CSMD1: variants seen among roughly 807,000 people sequenced by gnomAD.
CSMD1 encodes the protein CUB and Sushi multiple domains 1, also known as CUB and sushi domain-containing protein 1.
Under a neutral mutation model 417.5 loss-of-function variants are expected in CSMD1, and 213 were observed. The observed-to-expected ratio is 0.51, with a 90% confidence interval of 0.46 to 0.57. The LOEUF is 0.57. CSMD1 is among the 20% of genes least tolerant of loss of function. The pLI is 0.00. For synonymous variants in CSMD1, 2,862 were observed against 1,736.8 expected (o/e 1.65, Z -16.11); for missense variants, 6,923 against 4,529.7 (o/e 1.53, Z -15.17).
intron 2 of CSMD1, among the ~76,000 whole-genome samples, chr8:4,460,147 A>C (rs1156434376): frequency 6.6e-6 from 1 of 152,246 alleles, no homozygotes; most frequent in Non-Finnish European, 1.5e-5. Context: ...AAAATGAGTG[A>C]AATTATATAA....
intron 22 of CSMD1, among the ~76,000 whole-genome samples, chr8:3,345,410 G>A (rs12548148): frequency 1.3e-5 from 2 of 152,068 alleles, no homozygotes; most frequent in African/African-American, 4.8e-5. Flanking sequence ...CAGAGAAAGT[G>A]TATGTCGTTG....
chr8:3,766,998 G>C (rs1056690961), intron 5 of CSMD1, among the ~76,000 whole-genome samples: 2 of 152,212 alleles, frequency 1.3e-5, no homozygotes, highest in Non-Finnish European at 2.9e-5. Context: ...AAGACCAGCA[G>C]CCCTCAACAT....
At chr8:4,234,234 C>G (rs1801913119) in intron 3 of CSMD1, among the ~76,000 whole-genome samples, 1 of 152,162 alleles carries the variant, frequency 6.6e-6, no homozygotes, top group Non-Finnish European at 1.5e-5. Flanking sequence ...AGGCTGCCAC[C>G]AGACTAAAGC....
chr8:2,987,559 G>A (rs968938684), intron 54 of CSMD1, among the ~76,000 whole-genome samples: 2 of 152,072 alleles, frequency 1.3e-5, no homozygotes, highest in African/African-American at 4.8e-5. Context: ...GATTGATACA[G>A]TACTTCTCTT....
At chr8:4,689,790 C>G (rs2116756898) in intron 1 of CSMD1, among the ~76,000 whole-genome samples, 1 of 152,226 alleles carries the variant, frequency 6.6e-6, no homozygotes, top group East Asian at 1.9e-4. Context: ...TAGGCTAACT[C>G]CATATGGAAT....
chr8:4,590,278 C>T (rs113754371), intron 2 of CSMD1, among the ~76,000 whole-genome samples: 1 of 151,940 alleles, frequency 6.6e-6, no homozygotes, highest in Non-Finnish European at 1.5e-5. Context: ...ACCATGGGGA[C>T]AGAAAAGTTC....
chr8:4,275,898 C>A (rs955966221), intron 3 of CSMD1, among the ~76,000 whole-genome samples: 3 of 152,100 alleles, frequency 2.0e-5, no homozygotes, highest in African/African-American at 4.8e-5. Context: ...AATTAACTTG[C>A]ACAAAAACAG....
chr8:3,846,717 G>GTGCAAACTTGACTCAC, intron 5 of CSMD1, among the ~76,000 whole-genome samples: 1 of 152,144 alleles, frequency 6.6e-6, no homozygotes, highest in African/African-American at 2.4e-5. Flanking sequence ...GAGTGCAGTG[G>GTGCAAACTTGACTCAC]TGCAACCTTG....
intron 5 of CSMD1, among the ~76,000 whole-genome samples, chr8:3,982,202 A>ATAAT (rs1360825627): frequency 3.7e-5 from 4 of 107,164 alleles, no homozygotes; most frequent in Non-Finnish European, 4.1e-5. Context: ...TTAATAAAAA[A>ATAAT]AATAATAATA....
At chr8:4,644,162 C>T (rs755612290) in intron 1 of CSMD1, among the ~76,000 whole-genome samples, 6 of 152,158 alleles carry the variant, frequency 3.9e-5, no homozygotes, top group Non-Finnish European at 8.8e-5. Flanking sequence ...CCAGGAGTAC[C>T]CGGTTTGTAT....
chr8:3,626,750 A>G (rs1796509866), intron 7 of CSMD1, among the ~76,000 whole-genome samples: 2 of 150,742 alleles, frequency 1.3e-5, no homozygotes, highest in South Asian at 4.2e-4. Context: ...ACTTTTATAT[A>G]TATTACCTAT....
At chr8:3,284,806 TACG>T (rs1236188410) in intron 25 of CSMD1, among the ~76,000 whole-genome samples, 2 of 152,326 alleles carry the variant, frequency 1.3e-5, no homozygotes, top group East Asian at 3.9e-4. Flanking sequence ...CTTACTCCAT[TACG>T]ACCTTTTCTA....
At chr8:3,619,084 G>A (rs1234397223) in intron 7 of CSMD1, among the ~76,000 whole-genome samples, 1 of 151,170 alleles carries the variant, frequency 6.6e-6, no homozygotes, top group East Asian at 1.9e-4. Context: ...ACTGGGGTAA[G>A]GGATTCCAGG....
chr8:4,816,744 G>GT (rs1286061705), intron 1 of CSMD1, among the ~76,000 whole-genome samples: 2 of 152,156 alleles, frequency 1.3e-5, no homozygotes, highest in Non-Finnish European at 2.9e-5. Flanking sequence ...CTAGGAGGCT[G>GT]TTGCAGGACT....
At chr8:3,350,976 G>T (rs143774671) in intron 21 of CSMD1, among the ~76,000 whole-genome samples, 1 of 152,162 alleles carries the variant, frequency 6.6e-6, no homozygotes, top group Non-Finnish European at 1.5e-5. Context: ...GACAGACAAT[G>T]CTGCTGCTTT....
chr8:4,453,946 C>T (rs1041337928), intron 2 of CSMD1, among the ~76,000 whole-genome samples: 5 of 151,156 alleles, frequency 3.3e-5, no homozygotes, highest in South Asian at 4.2e-4. Context: ...CTCAGCCTCC[C>T]GAGTAGCTGG....
At chr8:3,082,680 A>T (rs1217373439) in intron 49 of CSMD1, among the ~76,000 whole-genome samples, 1 of 152,238 alleles carries the variant, frequency 6.6e-6, no homozygotes, top group Non-Finnish European at 1.5e-5. Context: ...CCACAGCAAC[A>T]ACCTTAATGT....
intron 2 of CSMD1, among the ~76,000 whole-genome samples, chr8:4,462,234 A>T (rs1001889176): frequency 4.6e-5 from 7 of 152,192 alleles, no homozygotes; most frequent in African/African-American, 1.7e-4. Context: ...TTTAAAAAGA[A>T]AACAATCCCT....
intron 12 of CSMD1, among the ~76,000 whole-genome samples, chr8:3,428,212 G>C (rs936299936): frequency 6.6e-6 from 1 of 150,998 alleles, no homozygotes; most frequent in Admixed American, 6.6e-5. Flanking sequence ...TACGTAGAAT[G>C]AATTTCCTTG....
Sources: allele counts gnomAD v4.1 joint callset (sites outside exome capture counted in the v4.1 genomes callset), GRCh38; gene constraint gnomAD v4.1.1; transcripts MANE v1.5; gene names NCBI Gene and HGNC (gene_info 2026-07-23, HGNC 2026-07-21).